Variants in NBAS observed in about 807,000 individuals in gnomAD.
NBAS encodes the protein NAG/BC035112 fusion.
NBAS carries 219 observed loss-of-function variants against 302.5 expected under a neutral mutation model. The observed-to-expected ratio is 0.72, with a 90% confidence interval of 0.65 to 0.81. The LOEUF (loss-of-function observed/expected upper bound fraction) is 0.81. NBAS is among the 30% of genes least tolerant of loss of function. The probability of loss-of-function intolerance (pLI) is 0.00; values close to 1 mark genes in which losing one functional copy is unlikely to be tolerated. For missense variants in NBAS, 2,932 were observed against 2,841.6 expected (o/e 1.03, Z -0.72); for synonymous variants, 1,118 against 1,021.6 (o/e 1.09, Z -1.80).
chr2:15,033,573 T>G, the NBAS span, among the ~76,000 whole-genome samples: 9 of 152,146 alleles, frequency 5.9e-5, no homozygotes, highest in African/African-American at 1.9e-4. Flanking sequence ...TATGTTGAAC[T>G]CTAATTCACA....
intron 40 of NBAS, among the ~76,000 whole-genome samples, chr2:15,295,793 G>A (rs1670523358): frequency 6.6e-6 from 1 of 152,156 alleles, no homozygotes; most frequent in African/African-American, 2.4e-5. Context: ...GACTGGCTTT[G>A]AAGTCTGTAG....
chr2:14,887,398 T>TTAAAAAAAA, the NBAS span, among the ~76,000 whole-genome samples: 9 of 95,664 alleles, frequency 9.4e-5, no homozygotes, highest in African/African-American at 1.4e-4. Flanking sequence ...GTGAGACTCC[T>TTAAAAAAAA]CAAAAAAAAA....
At chr2:15,093,219 A>C in the NBAS span, among the ~76,000 whole-genome samples, 1 of 152,234 alleles carries the variant, frequency 6.6e-6, no homozygotes, top group South Asian at 2.1e-4. Context: ...AGTTTGAGAC[A>C]AGCCTGGCCA....
intron 51 of NBAS, among the ~76,000 whole-genome samples, chr2:15,175,069 C>T (rs1478714275): frequency 1.3e-5 from 2 of 152,152 alleles, no homozygotes; most frequent in African/African-American, 4.8e-5. Context: ...CGGGTCCACA[C>T]CATTCTCCTG....
the NBAS span, among the ~76,000 whole-genome samples, chr2:15,144,046 A>ATATATATATATATATATATATAT: frequency 9.6e-6 from 1 of 104,576 alleles, no homozygotes; most frequent in Non-Finnish European, 1.7e-5. Flanking sequence ...CCTATATATA[A>ATATATATATATATATATATATAT]AAATATATAT....
chr2:15,375,133 AT>A (rs1413859059), intron 30 of NBAS, among the ~76,000 whole-genome samples: 1 of 152,240 alleles, frequency 6.6e-6, no homozygotes, highest in African/African-American at 2.4e-5. Flanking sequence ...AAATGTCTTG[AT>A]TTGGTCACAA....
At chr2:14,895,803 C>T in the NBAS span, among the ~76,000 whole-genome samples, 6 of 150,884 alleles carry the variant, frequency 4.0e-5, no homozygotes, top group South Asian at 6.3e-4. Context: ...AGAATGGGTA[C>T]GCTTGGATAC....
the NBAS span, among the ~76,000 whole-genome samples, chr2:15,021,401 C>T: frequency 6.6e-6 from 1 of 152,122 alleles, no homozygotes; most frequent in Non-Finnish European, 1.5e-5. Flanking sequence ...TACGTAATCA[C>T]CTCCAGAACC....
the NBAS span, among the ~76,000 whole-genome samples, chr2:14,816,077 A>T: frequency 2.6e-5 from 4 of 152,152 alleles, no homozygotes; most frequent in East Asian, 7.7e-4. Context: ...TTCTTCTAAA[A>T]CTAAAATCTA....
the NBAS span, among the ~76,000 whole-genome samples, chr2:15,128,205 A>G: frequency 6.6e-6 from 1 of 152,202 alleles, no homozygotes; most frequent in Admixed American, 6.5e-5. Flanking sequence ...TTTGGTCAAA[A>G]CCTGGCCTGA....
chr2:14,992,163 C>T, the NBAS span, among the ~76,000 whole-genome samples: 1 of 152,140 alleles, frequency 6.6e-6, no homozygotes, highest in South Asian at 2.1e-4. Context: ...TGTGAAAATG[C>T]TCTAAAAACT....
At chr2:14,794,944 T>C in the NBAS span, among the ~76,000 whole-genome samples, 1 of 152,236 alleles carries the variant, frequency 6.6e-6, no homozygotes, top group African/African-American at 2.4e-5. Flanking sequence ...TCATTCATTT[T>C]TATTGCTGAG....
At chr2:14,885,700 G>C in the NBAS span, among the ~76,000 whole-genome samples, 4 of 152,128 alleles carry the variant, frequency 2.6e-5, no homozygotes, top group East Asian at 7.7e-4. Flanking sequence ...TTTGAAGCCA[G>C]GGAGAAGAGA....
At chr2:15,290,094 A>T in intron 41 of NBAS, among the ~76,000 whole-genome samples, 1 of 141,724 alleles carries the variant, frequency 7.1e-6, no homozygotes, top group Non-Finnish European at 1.5e-5. Flanking sequence ...TAGAGGGGAG[A>T]GGGGAGAGAG....
At chr2:15,249,689 T>C (rs1668272160) in intron 44 of NBAS, among the ~76,000 whole-genome samples, 1 of 152,164 alleles carries the variant, frequency 6.6e-6, no homozygotes, top group South Asian at 2.1e-4. Context: ...AGCCAAATCA[T>C]GAGTGAATTC....
intron 44 of NBAS, among the ~76,000 whole-genome samples, chr2:15,241,692 C>G (rs550697359): frequency 1.3e-5 from 2 of 152,182 alleles, no homozygotes; most frequent in Non-Finnish European, 2.9e-5. Flanking sequence ...TAAACAGATG[C>G]TGACATTTAA....
the NBAS span, among the ~76,000 whole-genome samples, chr2:14,805,416 A>G: frequency 6.6e-6 from 1 of 152,214 alleles, no homozygotes; most frequent in Admixed American, 6.5e-5. Context: ...ACACCAGGAT[A>G]AGGAGTCTGA....
chr2:15,331,051 G>A (rs1180621953), intron 35 of NBAS, among the ~76,000 whole-genome samples: 1 of 151,792 alleles, frequency 6.6e-6, no homozygotes, highest in Non-Finnish European at 1.5e-5. Flanking sequence ...GCAAATAATT[G>A]GTATTTTATT....
chr2:15,277,030 T>C lies in NBAS; in HGVS notation c.5210A>G (p.Glu1737Gly). The change falls in exon 43 of 52, where the codon GAA becomes GGA. Residue 1737 changes from glutamate to glycine, a missense_variant. Glu to Gly is a moderately conservative substitution (Grantham distance 98). Coordinates refer to ENST00000281513, the MANE Select transcript of NBAS (RefSeq NM_015909.4). Reference protein sequence around the residue: ...HLFETLKTDPEAFHQHMVKYI... With the variant: ...HLFETLKTDPGAFHQHMVKYI... ...CTTGACCATGTGCTGGTGAAAGGCT[T>C]CTGGATCAGTCTTCAAAGTCTCAAA... is the stretch of plus-strand genomic sequence containing the variant. The C allele has an allele frequency of 1.2e-6, 2 of 1,613,916 alleles. No individual in the cohort carries two copies. The highest frequency in any genetic ancestry group is 2.7e-5 in the African/African-American group (2 of 75,020).
Sources: allele counts gnomAD v4.1 joint callset (sites outside exome capture counted in the v4.1 genomes callset), GRCh38; gene constraint gnomAD v4.1.1; transcripts MANE v1.5; gene names NCBI Gene and HGNC (gene_info 2026-07-23, HGNC 2026-07-21).